AGGF1: variants seen among roughly 807,000 people sequenced by gnomAD.
AGGF1 encodes angiogenic factor with G-patch and FHA domains 1, also known as angiogenic factor with G patch and FHA domains 1.
A neutral mutation model predicts 86.5 loss-of-function variants in AGGF1; 56 were observed. That is an observed-to-expected ratio of 0.65 (90% CI 0.52 to 0.81). The LOEUF (loss-of-function observed/expected upper bound fraction) is 0.81. Ranked by LOEUF, AGGF1 falls within the 30% of genes least tolerant of loss-of-function variation. The probability of loss-of-function intolerance (pLI) is 0.00; values close to 1 mark genes in which losing one functional copy is unlikely to be tolerated. For missense variants in AGGF1, 816 were observed against 850.9 expected, an observed-to-expected ratio of 0.96 and a Z score of 0.51; for synonymous variants, 313 against 297.1, an observed-to-expected ratio of 1.05 and a Z score of -0.55.
Position 77,050,306 on chromosome 5 carries a change from C to CTTTTTTTTTTTTT in AGGF1, c.1365+1336_1365+1348dup, listed in dbSNP as rs10595061. 2.3e-3 allele frequency among the ~76,000 whole-genome samples: 178 copies of CTTTTTTTTTTTTT among 76,586 alleles called. 1 individual carries two copies. Among genetic ancestry groups the CTTTTTTTTTTTTT allele is most frequent in the South Asian group, 4.4e-3 (7 of 1,606 alleles). 50.2% of individuals were successfully genotyped at this position (76,586 alleles called of 152,430 possible). On this transcript the variant is annotated intron_variant, in intron 8 of 13. Coordinates refer to ENST00000312916, the MANE Select transcript of AGGF1 (RefSeq NM_018046.5). ...GGTGGCTTTTTCTTTTTCTTTGTTT[C>CTTTTTTTTTTTTT]TTTTTTTTTTTTTTTTTTTTTTTTT... is the stretch of plus-strand genomic sequence containing the variant.
At chr5:77,053,380 G>T (rs893809121) in intron 9 of AGGF1, among the ~76,000 whole-genome samples, 1 of 152,142 alleles carries the variant, frequency 6.6e-6, no homozygotes, top group Non-Finnish European at 1.5e-5. Flanking sequence ...TTAGCTGGGC[G>T]TGGTGGTGTG....
At chr5:77,055,425 A>C (rs1747441340) in intron 10 of AGGF1, 89 bp from the exon 11 acceptor site, 1 of 814,146 alleles carries the variant, frequency 1.2e-6, no homozygotes, top group Non-Finnish European at 2.0e-6. Context: ...GGGTTATATT[A>C]GTTTTTTATT....
intron 2 of AGGF1, 56 bp downstream of exon 2, chr5:77,034,576 G>T: frequency 8.3e-7 from 1 of 1,208,992 alleles, no homozygotes; most frequent in African/African-American, 1.5e-5. Flanking sequence ...TCATGCTAAT[G>T]TTGCGTTTTC....
intron 5 of AGGF1, among the ~76,000 whole-genome samples, chr5:77,040,497 C>T (rs1035078548): frequency 1.3e-5 from 2 of 151,460 alleles, no homozygotes; most frequent in African/African-American, 4.9e-5. Flanking sequence ...GTTTAAATGG[C>T]CTGCAAGACA....
intron 2 of AGGF1, among the ~76,000 whole-genome samples, chr5:77,034,793 A>G (rs1580122780): frequency 6.6e-6 from 1 of 152,228 alleles, no homozygotes; most frequent in African/African-American, 2.4e-5. Flanking sequence ...GCAGTTAGCC[A>G]TCTACTTCCA....
chr5:77,055,690 A>G, intron 11 of AGGF1, 94 bp downstream of exon 11: 1 of 845,142 alleles, frequency 1.2e-6, no homozygotes, highest in Non-Finnish European at 1.9e-6. Flanking sequence ...TTATATATAA[A>G]TAGTTGTGTA....
chr5:77,054,557 T>C (rs1442058760), intron 10 of AGGF1, among the ~76,000 whole-genome samples: 1 of 152,140 alleles, frequency 6.6e-6, no homozygotes, highest in Non-Finnish European at 1.5e-5. Flanking sequence ...AATTGAAAAT[T>C]GGTAAGAGAG....
rs1461656809 is a variant in AGGF1 at position 77,054,024 on chromosome 5, A to G, written c.1527A>G (p.Glu509=). The G allele has an allele frequency of 6.2e-7, 1 of 1,614,154 alleles. No individual in the cohort carries two copies. The highest frequency in any genetic ancestry group is 2.2e-5 in the East Asian group (1 of 44,878). Residue 509 remains glutamate, a synonymous_variant, in exon 10 of 14, where the codon GAA becomes GAG. Coordinates refer to ENST00000312916, the MANE Select transcript of AGGF1 (RefSeq NM_018046.5). The stretch of plus-strand genomic sequence containing the variant: ...ATGGAGATGAAGTCAAAATTGGAGA[A>G]ACTGTCTTATCCTTTCACATTCATC... ...LEHGDEVKIG[E]TVLSFHIHPG...
rs1307733520 is a variant in AGGF1, at chr5:77,052,652, T to C, written c.1366-54T>C. On this transcript the variant is annotated intron_variant, in intron 8 of 13. Transcript: ENST00000312916. ...ACATCATCATATCATACAGAAATTG[T>C]CCATAGTTTTGAAAAGTATAATAAT... 5 of 1,274,658 alleles carry C rather than the reference T, an allele frequency of 3.9e-6. No individual in the cohort carries two copies. The East Asian group carries it at 7.2e-5, about 18-fold the overall frequency. The allele number at this position is 1,274,658 out of a possible 1,614,324, so 79.0% of individuals were successfully genotyped here. A position where few individuals can be genotyped will look rare whatever the true frequency, so the allele number is the denominator to read the frequency against.
In AGGF1 at chr5:77,048,734, G is replaced by A. The variant is rs16873991; in HGVS notation, c.1314-202G>A. On this transcript the variant is annotated intron_variant, in intron 7 of 13. Transcript: ENST00000312916. ...ACCCAAAGGAAGCACAGTCTAGGGGGAAAGAAGACATGAGTAAATAATCAC... is the reference window on the plus strand; with the variant it reads ...ACCCAAAGGAAGCACAGTCTAGGGGAAAAGAAGACATGAGTAAATAATCAC... Among the ~76,000 whole-genome samples the A allele has an allele frequency of 6.9e-3, 1,053 of 152,324 alleles. 12 individuals are homozygous for A. Among genetic ancestry groups the A allele is most frequent in the African/African-American group, 0.024 (1,005 of 41,568 alleles).
chr5:77,043,560 C>CAG (rs1747177810), intron 5 of AGGF1, among the ~76,000 whole-genome samples: 1 of 130,122 alleles, frequency 7.7e-6, no homozygotes, highest in African/African-American at 2.8e-5. Context: ...CCCTCCCGGA[C>CAG]GGCACGGCTG....
chr5:77,062,297 A>G (rs921456676), intron 13 of AGGF1, among the ~76,000 whole-genome samples: 8 of 152,346 alleles, frequency 5.3e-5, no homozygotes, highest in Non-Finnish European at 1.0e-4. Context: ...CTTAATAAGT[A>G]ACCTGACTGT....
At chr5:77,040,817 C>G (rs1472620495) in intron 5 of AGGF1, among the ~76,000 whole-genome samples, 1 of 152,124 alleles carries the variant, frequency 6.6e-6, no homozygotes, top group African/African-American at 2.4e-5. Flanking sequence ...CCTGTCCTAT[C>G]TCTGTCCTGT....
In AGGF1 at chr5:77,042,473, G is replaced by A. The variant is rs1472809084; in HGVS notation, c.870+2754G>A. Among the ~76,000 whole-genome samples the A allele has an allele frequency of 2.4e-4, 19 of 79,098 alleles. No individual in the cohort carries two copies. In the South Asian group the frequency reaches 5.8e-3, roughly 24 times the overall value. The allele number at this position is 79,098 out of a possible 152,430, so 51.9% of individuals were successfully genotyped here. On this transcript the variant is annotated intron_variant, in intron 5 of 13. Transcript: ENST00000312916. ...CCCCCACCTCCCTCCCGGACGGGGCGGCTGGCCGGGCGGGGGGCTGACCCC... is the reference window on the plus strand; with the variant it reads ...CCCCCACCTCCCTCCCGGACGGGGCAGCTGGCCGGGCGGGGGGCTGACCCC...
chr5:77,044,069 G>C (rs529322548), intron 5 of AGGF1, among the ~76,000 whole-genome samples: 1 of 133,516 alleles, frequency 7.5e-6, no homozygotes, highest in Non-Finnish European at 1.6e-5. Context: ...GATGGCGGCC[G>C]GGCGGAGACG....
In AGGF1 at chr5:77,063,527, A is replaced by G. The variant is rs375647429; in HGVS notation, c.*275A>G. 7 of 411,422 alleles carry G rather than the reference A, an allele frequency of 1.7e-5. No individual in the cohort carries two copies. Among genetic ancestry groups the G allele is most frequent in the African/African-American group, 1.2e-4 (6 of 49,414 alleles). The allele number at this position is 411,422 out of a possible 1,614,324, so 25.5% of individuals were successfully genotyped here. On this transcript the variant is annotated 3_prime_UTR_variant, in exon 14 of 14. Transcript: ENST00000312916. Reference sequence around the variant, plus strand: ...TTTTATCTTGTCATTTACAACATCCATATAAGCAACTAGCCATATAAGCAA... The same window carrying G: ...TTTTATCTTGTCATTTACAACATCCGTATAAGCAACTAGCCATATAAGCAA...
In AGGF1 at chr5:77,046,515, C is replaced by T. The variant is rs1254576641; in HGVS notation, c.1039C>T (p.His347Tyr). The T allele has an allele frequency of 3.3e-5, 54 of 1,613,936 alleles. No individual in the cohort carries two copies. The highest frequency in any genetic ancestry group is 4.4e-5 in the Non-Finnish European group (52 of 1,179,970). Residue 347 changes from histidine (H) to tyrosine (Y), a missense_variant, in exon 6 of 14, where the codon CAT (histidine) becomes TAT (tyrosine). His to Tyr is a moderately conservative substitution (Grantham distance 83). Around this residue, in one of 3 missense-constraint regions of AGGF1, gnomAD observed 565 missense variants for 585.8 expected, o/e 0.96. Coordinates refer to ENST00000312916, the MANE Select transcript of AGGF1 (RefSeq NM_018046.5). Reference sequence around the variant, plus strand: ...TGGAAATACTATAGAGTCTCCTCTTCATGAAAACATCTCTAATTCAACATC... The same window carrying T: ...TGGAAATACTATAGAGTCTCCTCTTTATGAAAACATCTCTAATTCAACATC... Reference protein sequence around the residue: ...TSGNTIESPLHENISNSTSFK... With the variant: ...TSGNTIESPLYENISNSTSFK...
intron 11 of AGGF1, among the ~76,000 whole-genome samples, chr5:77,057,263 A>G (rs1422165961): frequency 1.3e-5 from 2 of 152,256 alleles, no homozygotes; most frequent in Non-Finnish European, 2.9e-5. Flanking sequence ...CCCAAGGTAA[A>G]TGCAACCATA....
At chr5:77,051,571 GCAGCAAGAATTCT>G (rs1450062630) in intron 8 of AGGF1, among the ~76,000 whole-genome samples, 7 of 152,082 alleles carry the variant, frequency 4.6e-5, no homozygotes, top group Admixed American at 3.3e-4. Context: ...TATACATAGA[GCAGCAAGAATTCT>G]CACAGACTGC....
Sources: allele counts gnomAD v4.1 joint callset (sites outside exome capture counted in the v4.1 genomes callset), GRCh38; gene constraint gnomAD v4.1.1; regional missense constraint gnomAD v4.1.1; transcripts MANE v1.5; gene names NCBI Gene and HGNC (gene_info 2026-07-23, HGNC 2026-07-21).